The following MLXIP variants were observed in gnomAD, a reference collection of about 807,000 sequenced individuals.
MLXIP encodes the protein MLX-interacting protein.
A neutral mutation model predicts 87.2 loss-of-function variants in MLXIP; 30 were observed. The ratio of observed to expected loss-of-function variants is 0.34; its 90% confidence interval spans 0.26 to 0.47. MLXIP has a LOEUF of 0.47. Among genes scored for constraint, MLXIP ranks in the 20% least tolerant of loss-of-function variants. The probability of loss-of-function intolerance (pLI) is 1.00; values close to 1 mark genes in which losing one functional copy is unlikely to be tolerated. For missense variants in MLXIP, 1,002 were observed against 1,240.1 expected (o/e 0.81, Z 2.88); for synonymous variants, 530 against 514.0 (o/e 1.03, Z -0.42).
chr12:122,120,100 A>G (rs1952755515), intron 1 of MLXIP, among the ~76,000 whole-genome samples: 1 of 152,228 alleles, frequency 6.6e-6, no homozygotes, highest in Non-Finnish European at 1.5e-5. Context: ...TGGTCCATCT[A>G]TACATGGAAT....
chr12:122,135,615 G>A lies in MLXIP; in HGVS notation c.1981G>A (p.Glu661Lys), dbSNP rs375911120. The change falls in exon 11 of 17, where the codon GAG becomes AAG. Residue 661 changes from glutamate to lysine, a missense_variant. This residue lies in a region of MLXIP where 746 missense variants were observed against 897.0 expected (regional missense o/e 0.83). Coordinates refer to ENST00000319080, the MANE Select transcript of MLXIP (RefSeq NM_014938.6). The surrounding 1 kb of genome is among the most constrained non-coding windows in gnomAD (Gnocchi z 5.3). ...AGCGCAAGACCCCCTGGGGAAGGGC[G>A]AGCAGGTCCCGCTGCATGGGGGCAG... Reference protein sequence around the residue: ...STAQDPLGKGEQVPLHGGSPQ... With the variant: ...STAQDPLGKGKQVPLHGGSPQ... 23 of 1,570,438 alleles carry A rather than the reference G, an allele frequency of 1.5e-5. No homozygotes were observed. Among genetic ancestry groups the A allele is most frequent in the African/African-American group, 4.0e-5 (3 of 74,088 alleles).
In MLXIP at chr12:122,146,036, G is replaced by A. The variant is rs538698462; in HGVS notation, c.*4224G>A. ...GCCTTTCCCTCAACACCTGCTCCCC[G>A]GCCCCAGAGGAACCCACCTGTTTTG... On this transcript the variant is annotated 3_prime_UTR_variant, in exon 17 of 17. Transcript: ENST00000319080. 5.2e-5 allele frequency: 8 copies of A among 152,404 alleles called. No individual in the cohort carries two copies. The highest frequency in any genetic ancestry group is 2.1e-4 in the South Asian group (1 of 4,828). 9.4% of individuals were successfully genotyped at this position (152,404 alleles called of 1,614,324 possible).
At chr12:122,079,724 A>T (rs1468503214) in intron 1 of MLXIP, among the ~76,000 whole-genome samples, 1 of 152,162 alleles carries the variant, frequency 6.6e-6, no homozygotes, top group Non-Finnish European at 1.5e-5. Flanking sequence ...CTCCTTTATA[A>T]AAGGGGAATG....
intron 15 of MLXIP, 141 bp downstream of exon 15, chr12:122,139,079 T>C (rs1953149988): frequency 3.0e-6 from 4 of 1,342,062 alleles, no homozygotes; most frequent in Admixed American, 2.5e-5. Flanking sequence ...CTAGTGTCTA[T>C]CTCGGGAGAG....
At chr12:122,124,459 G>A (rs537803737) in intron 1 of MLXIP, among the ~76,000 whole-genome samples, 3 of 121,128 alleles carry the variant, frequency 2.5e-5, no homozygotes, top group East Asian at 2.5e-4. Context: ...CTCAGTCCTC[G>A]GCTCTTCACA....
intron 16 of MLXIP, 139 bp downstream of exon 16, chr12:122,141,222 G>C: frequency 1.5e-6 from 2 of 1,300,832 alleles, no homozygotes; most frequent in Non-Finnish European, 2.0e-6. Context: ...CTGTCCAGGA[G>C]GTCCTCAGTC....
intron 1 of MLXIP, among the ~76,000 whole-genome samples, chr12:122,124,842 C>T (rs1389230682): frequency 2.6e-5 from 4 of 151,948 alleles, no homozygotes; most frequent in South Asian, 2.1e-4. Context: ...ACCAGCCTGA[C>T]GAACGTGGTA....
intron 1 of MLXIP, among the ~76,000 whole-genome samples, chr12:122,101,568 T>A (rs1952437076): frequency 3.1e-4 from 5 of 16,118 alleles, no homozygotes; most frequent in Admixed American, 2.0e-3. Flanking sequence ...ATTTATTTAT[T>A]TTTTTCTTTT....
intron 15 of MLXIP, 141 bp from the exon 16 acceptor site, chr12:122,140,813 C>T (rs1565991506): frequency 3.1e-6 from 4 of 1,308,410 alleles, no homozygotes; most frequent in Non-Finnish European, 4.4e-6. Context: ...GAGATCTCTC[C>T]CTCTTTTCCC....
chr12:122,092,559 T>C (rs991601528), intron 1 of MLXIP, among the ~76,000 whole-genome samples: 1 of 152,180 alleles, frequency 6.6e-6, no homozygotes, highest in Non-Finnish European at 1.5e-5. Context: ...CTCTGAGTTA[T>C]GAGGAGCTGG....
chr12:122,118,003 G>T (rs1424010317), intron 1 of MLXIP, among the ~76,000 whole-genome samples: 3 of 152,154 alleles, frequency 2.0e-5, no homozygotes, highest in Non-Finnish European at 4.4e-5. Context: ...GGCTTCTCTA[G>T]GTCATATCTG....
At position 122,142,617 on chromosome 12, in the gene MLXIP, G is replaced by A. The variant is rs533542118; in HGVS notation, c.*805G>A. The A allele has an allele frequency of 1.4e-4, 39 of 279,844 alleles. No individual in the cohort carries two copies. The highest frequency in any genetic ancestry group is 6.3e-4 in the East Asian group (7 of 11,084). The allele number at this position is 279,844 out of a possible 1,614,324, so 17.3% of individuals were successfully genotyped here. A position where few individuals can be genotyped will look rare whatever the true frequency, so the allele number is the denominator to read the frequency against. ...ACCTCACCGCTGTGGCCCTTCTGCC[G>A]TTCTTCTCCACTTGGCTCCAGCTGC... On this transcript the variant is annotated 3_prime_UTR_variant, in exon 17 of 17. Coordinates refer to ENST00000319080, the MANE Select transcript of MLXIP (RefSeq NM_014938.6).
At position 122,094,635 on chromosome 12, in the gene MLXIP, GTGT is replaced by G. The variant is rs1310851497; in HGVS notation, c.413+15372_413+15374del. On this transcript the variant is annotated intron_variant, in intron 1 of 16. Coordinates refer to ENST00000319080, the MANE Select transcript of MLXIP (RefSeq NM_014938.6). Reference sequence around the variant, plus strand: ...GTGGTGTATGTTTTCGGTGTCTGTGGTGTTGGTGTGTGTGGTGTGTTGGTGTGT... The same window carrying G: ...GTGGTGTATGTTTTCGGTGTCTGTGGTGGTGTGTGTGGTGTGTTGGTGTGT... Among the ~76,000 whole-genome samples the G allele has an allele frequency of 3.0e-4, 43 of 144,988 alleles. No homozygotes were observed. The Middle Eastern group carries it at 0.012, about 41-fold the overall frequency.
At chr12:122,099,081 T>A (rs1952397833) in intron 1 of MLXIP, among the ~76,000 whole-genome samples, 1 of 152,160 alleles carries the variant, frequency 6.6e-6, no homozygotes, top group South Asian at 2.1e-4. Context: ...AAAAATTATT[T>A]AAAAAATTAG....
At chr12:122,087,370 GA>G (rs948434308) in intron 1 of MLXIP, among the ~76,000 whole-genome samples, 36 of 147,280 alleles carry the variant, frequency 2.4e-4, no homozygotes, top group African/African-American at 8.6e-4. Flanking sequence ...ATAGAAAGAA[GA>G]TGAAGGCTAG....
At chr12:122,089,987 T>C (rs1952221734) in intron 1 of MLXIP, among the ~76,000 whole-genome samples, 2 of 152,150 alleles carry the variant, frequency 1.3e-5, no homozygotes, top group South Asian at 4.1e-4. Context: ...ATCTGCCCCT[T>C]AGCTCCTTAA....
intron 1 of MLXIP, among the ~76,000 whole-genome samples, chr12:122,123,136 T>C (rs908505527): frequency 1.3e-5 from 2 of 152,324 alleles, no homozygotes; most frequent in East Asian, 1.9e-4. Flanking sequence ...ATCAGGAGCC[T>C]GCCCAGGGTT....
intron 1 of MLXIP, among the ~76,000 whole-genome samples, chr12:122,113,743 G>A (rs1328107921): frequency 7.7e-6 from 1 of 130,540 alleles, no homozygotes; most frequent in Non-Finnish European, 1.5e-5. Flanking sequence ...GGAGTACAGT[G>A]GTACGATCTC....
chr12:122,080,020 A>G (rs554733394), intron 1 of MLXIP, among the ~76,000 whole-genome samples: 109 of 152,242 alleles, frequency 7.2e-4, no homozygotes, highest in Non-Finnish European at 1.4e-3. Context: ...GAGGGCAGAC[A>G]TCCCAGACAC....
Sources: allele counts gnomAD v4.1 joint callset (sites outside exome capture counted in the v4.1 genomes callset), GRCh38; gene constraint gnomAD v4.1.1; regional missense constraint gnomAD v4.1.1; non-coding constraint Gnocchi (gnomAD v3.1); transcripts MANE v1.5; gene names NCBI Gene and HGNC (gene_info 2026-07-23, HGNC 2026-07-21).